The following LDB2 variants were observed in gnomAD, a reference collection of about 807,000 sequenced individuals.
LDB2 encodes LIM domain-binding protein 2.
A neutral mutation model predicts 44.3 loss-of-function variants in LDB2; 12 were observed. The ratio of observed to expected loss-of-function variants is 0.27; its 90% CI spans 0.17 to 0.44. LDB2 has a LOEUF of 0.44. Among genes scored for constraint, LDB2 ranks in the 20% least tolerant of loss-of-function variants. The pLI, the probability that LDB2 is intolerant of heterozygous loss-of-function variation, is 1.00. For missense variants in LDB2, 344 were observed against 473.5 expected, an observed-to-expected ratio of 0.73 and a Z score of 2.54; for synonymous variants, 164 against 174.8, an observed-to-expected ratio of 0.94 and a Z score of 0.49.
chr4:16,503,942 G>A (rs528925102), intron 7 of LDB2, among the ~76,000 whole-genome samples: 1 of 152,276 alleles, frequency 6.6e-6, no homozygotes, highest in East Asian at 1.9e-4. Context: ...GGACCATATG[G>A]GGTTGATGAG....
chr4:16,837,858 A>G (rs113036541), intron 1 of LDB2, among the ~76,000 whole-genome samples: 1 of 152,250 alleles, frequency 6.6e-6, no homozygotes, highest in African/African-American at 2.4e-5. Flanking sequence ...GCAGGAAAGT[A>G]TCATTTAGGT....
intron 2 of LDB2, among the ~76,000 whole-genome samples, chr4:16,725,612 C>G (rs1759267760): frequency 2.0e-5 from 3 of 152,082 alleles, no homozygotes; most frequent in African/African-American, 4.8e-5. Context: ...CCAGAGGATG[C>G]CAAATACGTA....
At chr4:16,514,110 C>T (rs1303818572) in intron 5 of LDB2, among the ~76,000 whole-genome samples, 1 of 152,194 alleles carries the variant, frequency 6.6e-6, no homozygotes, top group Non-Finnish European at 1.5e-5. Context: ...TTAGGTCATA[C>T]TCTCTTTGTC....
chr4:16,559,417 T>C (rs1025498035), intron 5 of LDB2, among the ~76,000 whole-genome samples: 2 of 152,172 alleles, frequency 1.3e-5, no homozygotes, highest in Non-Finnish European at 1.5e-5. Flanking sequence ...GTTGCAATCC[T>C]AGTCTCTGAC....
At chr4:16,561,800 C>T (rs1258201165) in intron 5 of LDB2, among the ~76,000 whole-genome samples, 3 of 152,170 alleles carry the variant, frequency 2.0e-5, no homozygotes, top group Non-Finnish European at 2.9e-5. Flanking sequence ...GGAGGCATCA[C>T]GCTACCTGAC....
chr4:16,639,427 A>G (rs1734540173), intron 2 of LDB2, among the ~76,000 whole-genome samples: 1 of 152,242 alleles, frequency 6.6e-6, no homozygotes, highest in African/African-American at 2.4e-5. Flanking sequence ...AGTAAGTTTG[A>G]TGAAAGAAAA....
At chr4:16,739,609 TGTATATATAC>T (rs1352345789) in intron 2 of LDB2, among the ~76,000 whole-genome samples, 4 of 85,418 alleles carry the variant, frequency 4.7e-5, no homozygotes, top group Admixed American at 1.3e-4. Context: ...TATATATATA[TGTATATATAC>T]ATGTGTGTGT....
intron 5 of LDB2, among the ~76,000 whole-genome samples, chr4:16,572,275 T>G (rs1381052715): frequency 6.6e-6 from 1 of 152,184 alleles, no homozygotes; most frequent in East Asian, 1.9e-4. Context: ...GAAGACTGTT[T>G]CCTGGGAGCA....
chr4:16,553,054 G>A (rs1738224474), intron 5 of LDB2, among the ~76,000 whole-genome samples: 1 of 152,202 alleles, frequency 6.6e-6, no homozygotes, highest in Non-Finnish European at 1.5e-5. Flanking sequence ...ATTCTGAGGA[G>A]CCATGTCAAA....
intron 1 of LDB2, among the ~76,000 whole-genome samples, chr4:16,802,992 CCGCTGTCT>C (rs1778141107): frequency 6.6e-6 from 1 of 152,156 alleles, no homozygotes; most frequent in Admixed American, 6.5e-5. Flanking sequence ...GACCCCTCGA[CCGCTGTCT>C]CCTGAGAGCA....
chr4:16,611,038 A>G (rs1187651867), intron 2 of LDB2, among the ~76,000 whole-genome samples: 1 of 152,200 alleles, frequency 6.6e-6, no homozygotes, highest in Non-Finnish European at 1.5e-5. Context: ...TCTACAAGCC[A>G]GAAGAGATTG....
intron 5 of LDB2, among the ~76,000 whole-genome samples, chr4:16,578,137 C>T (rs1170352029): frequency 6.6e-6 from 1 of 152,108 alleles, no homozygotes. Flanking sequence ...GGGAAACTCT[C>T]CACGACTTTG....
chr4:16,614,331 G>A (rs1411191841), intron 2 of LDB2, among the ~76,000 whole-genome samples: 1 of 152,020 alleles, frequency 6.6e-6, no homozygotes, highest in Non-Finnish European at 1.5e-5. Flanking sequence ...AGAACACCTA[G>A]GCAATACCAT....
intron 1 of LDB2, among the ~76,000 whole-genome samples, chr4:16,787,594 A>G (rs904818426): frequency 1.3e-5 from 2 of 152,138 alleles, no homozygotes; most frequent in African/African-American, 4.8e-5. Context: ...AGTCTGGGTG[A>G]CTGAGTGAAA....
intron 1 of LDB2, among the ~76,000 whole-genome samples, chr4:16,801,227 A>C (rs1014395707): frequency 2.0e-5 from 3 of 152,138 alleles, no homozygotes; most frequent in African/African-American, 7.2e-5. Context: ...TAAGCTCTTA[A>C]GCCCCTGGGC....
chr4:16,586,567 A>AGG (rs35667875), intron 4 of LDB2, among the ~76,000 whole-genome samples: 1 of 71,240 alleles, frequency 1.4e-5, no homozygotes, highest in South Asian at 5.1e-4. Flanking sequence ...ATGGAGAGAC[A>AGG]GAATTCTCAC....
At chr4:16,643,927 AC>A (rs1179427967) in intron 2 of LDB2, among the ~76,000 whole-genome samples, 1 of 152,200 alleles carries the variant, frequency 6.6e-6, no homozygotes, top group Non-Finnish European at 1.5e-5. Flanking sequence ...CAAATATAGC[AC>A]CTAACCATGC....
At chr4:16,528,456 A>G (rs10019178) in intron 5 of LDB2, among the ~76,000 whole-genome samples, 67,695 of 152,178 alleles carry the variant, frequency 0.44, 16,337 homozygotes, top group East Asian at 0.77. Context: ...GATTACAAAC[A>G]TCATAATGAG....
intron 2 of LDB2, among the ~76,000 whole-genome samples, chr4:16,671,229 C>T (rs548089734): frequency 6.6e-6 from 1 of 152,198 alleles, no homozygotes; most frequent in South Asian, 2.1e-4. Context: ...GTACTTCAAC[C>T]ATGTGAGCAT....
Sources: gnomAD v4.1 joint callset for allele counts (sites outside exome capture counted in the v4.1 genomes callset) on GRCh38, gnomAD v4.1.1 for gene constraint, MANE v1.5 for transcripts, NCBI Gene and HGNC (gene_info 2026-07-23, HGNC 2026-07-21) for gene names.